The following DRC9 variants were observed in gnomAD, a reference collection of about 807,000 sequenced individuals.
DRC9 encodes the protein dynein regulatory complex subunit 9, also known as dynein regulatory complex protein 9.
At chr3:197,902,204 C>T in the DRC9 span, among the ~76,000 whole-genome samples, 1 of 152,190 alleles carries the variant, frequency 6.6e-6, no homozygotes, top group Non-Finnish European at 1.5e-5. Context: ...GACCACAACA[C>T]TCAAGTCCCT....
the DRC9 span, chr3:197,912,418 C>T: frequency 2.6e-6 from 1 of 380,768 alleles, no homozygotes; most frequent in East Asian, 5.0e-5. Context: ...TATGAGTATA[C>T]AGCAATATAG....
At chr3:197,921,646 ACT>A in the DRC9 span, among the ~76,000 whole-genome samples, 1 of 151,596 alleles carries the variant, frequency 6.6e-6, no homozygotes. Flanking sequence ...GTTTTCAGTA[ACT>A]CTGGGGATTT....
At chr3:197,956,650 G>GTTTTT in the DRC9 span, 2 of 135,504 alleles carry the variant, frequency 1.5e-5, no homozygotes, top group African/African-American at 2.9e-5. Flanking sequence ...TGAAGACAAG[G>GTTTTT]TCTTGTTTTG....
At chr3:197,916,775 T>C in the DRC9 span, among the ~76,000 whole-genome samples, 2 of 151,978 alleles carry the variant, frequency 1.3e-5, no homozygotes, top group Non-Finnish European at 2.9e-5. Context: ...AAATCCTCCG[T>C]TAAGGAAAGC....
At chr3:197,927,968 G>C in the DRC9 span, among the ~76,000 whole-genome samples, 1 of 149,726 alleles carries the variant, frequency 6.7e-6, no homozygotes, top group Non-Finnish European at 1.5e-5. Context: ...GGGGTGGGGG[G>C]CTGGGGGAGG....
At chr3:197,936,408 A>T in the DRC9 span, among the ~76,000 whole-genome samples, 1 of 152,102 alleles carries the variant, frequency 6.6e-6, no homozygotes, top group African/African-American at 2.4e-5. Flanking sequence ...ACTGTCACAC[A>T]CGCTGGAGTG....
the DRC9 span, among the ~76,000 whole-genome samples, chr3:197,946,380 A>G: frequency 1.4e-5 from 2 of 143,736 alleles, no homozygotes; most frequent in African/African-American, 5.4e-5. Flanking sequence ...GCTTGCAGTG[A>G]GCCGAGATCG....
chr3:197,912,854 C>T, the DRC9 span: 4 of 877,904 alleles, frequency 4.6e-6, no homozygotes, highest in African/African-American at 1.7e-5. Context: ...CTCCCTTTAC[C>T]AGCTGGGATC....
chr3:197,945,822 G>T, the DRC9 span: 3 of 553,358 alleles, frequency 5.4e-6, no homozygotes, highest in Non-Finnish European at 9.7e-6. Context: ...GCGGAGTGGA[G>T]CAGTCCCAGA....
chr3:197,912,675 C>G, the DRC9 span: 3 of 1,612,758 alleles, frequency 1.9e-6, no homozygotes, highest in Non-Finnish European at 2.5e-6. Context: ...GGGGACCCAC[C>G]TGCTGCTCCT....
chr3:197,923,623 T>C, the DRC9 span, among the ~76,000 whole-genome samples: 1 of 149,810 alleles, frequency 6.7e-6, no homozygotes, highest in Non-Finnish European at 1.5e-5. Context: ...CCCAGCTATC[T>C]GGGGGCTGAG....
chr3:197,893,625 C>CA, the DRC9 span, among the ~76,000 whole-genome samples: 1 of 150,774 alleles, frequency 6.6e-6, no homozygotes, highest in Non-Finnish European at 1.5e-5. Flanking sequence ...GGGCAGATCA[C>CA]AGAGTCAGGA....
chr3:197,896,797 A>AG, the DRC9 span, among the ~76,000 whole-genome samples: 1 of 152,156 alleles, frequency 6.6e-6, no homozygotes, highest in African/African-American at 2.4e-5. Flanking sequence ...ACCCTCTATC[A>AG]CCTTGGGAAT....
At chr3:197,950,818 G>A in the DRC9 span, 2 of 842,300 alleles carry the variant, frequency 2.4e-6, no homozygotes, top group Non-Finnish European at 3.9e-6. Flanking sequence ...TGTTGTCCCC[G>A]AACTCCTACA....
chr3:197,944,949 T>G, the DRC9 span, among the ~76,000 whole-genome samples: 25 of 152,226 alleles, frequency 1.6e-4, no homozygotes, highest in Non-Finnish European at 2.9e-4. Context: ...TGAGCCAAAA[T>G]TAACTTTTTT....
the DRC9 span, among the ~76,000 whole-genome samples, chr3:197,946,044 A>G: frequency 2.0e-5 from 3 of 152,228 alleles, no homozygotes; most frequent in African/African-American, 7.2e-5. Flanking sequence ...TGATTACTGT[A>G]ATATTTAATT....
the DRC9 span, chr3:197,958,420 T>C: frequency 3.9e-5 from 6 of 152,202 alleles, no homozygotes; most frequent in African/African-American, 1.2e-4. Context: ...AATTCTAACA[T>C]GTTTCTGGCT....
chr3:197,918,157 C>T, the DRC9 span, among the ~76,000 whole-genome samples: 4 of 148,122 alleles, frequency 2.7e-5, no homozygotes, highest in African/African-American at 7.5e-5. Context: ...TGCAATGGTG[C>T]GATCTTGGCT....
At chr3:197,889,512 G>A in the DRC9 span, 1 of 1,573,940 alleles carries the variant, frequency 6.4e-7, no homozygotes, top group Non-Finnish European at 8.7e-7. Context: ...GGTACCAGGT[G>A]TTTCTTAACT....
Sources: gnomAD v4.1 joint callset for allele counts (sites outside exome capture counted in the v4.1 genomes callset) on GRCh38, gnomAD v4.1.1 for gene constraint, MANE v1.5 for transcripts, NCBI Gene and HGNC (gene_info 2026-07-23, HGNC 2026-07-21) for gene names.